MUC21: variants seen among roughly 807,000 people sequenced by gnomAD.
MUC21 encodes mucin-21.
MUC21 carries 8 observed loss-of-function variants against 9.1 expected under a neutral mutation model. The ratio of observed to expected loss-of-function variants is 0.88; its 90% CI spans 0.52 to 1.59. The LOEUF (loss-of-function observed/expected upper bound fraction) is 1.59. Among genes scored for constraint, MUC21 ranks in the 40% most tolerant of loss-of-function variants. MUC21 has a pLI of 0.00. For missense variants in MUC21, 478 were observed against 694.2 expected, an observed-to-expected ratio of 0.69 and a Z score of 3.50; for synonymous variants, 189 against 275.2, an observed-to-expected ratio of 0.69 and a Z score of 3.10.
Position 30,988,147 on chromosome 6 carries a change from G to A in MUC21, c.1654G>A (p.Val552Ile). The change falls in exon 3 of 3, where the codon GTA (valine) becomes ATA (isoleucine). Residue 552 changes from valine to isoleucine, a missense_variant. Val to Ile is a conservative substitution (Grantham distance 29). Coordinates refer to ENST00000376296, the MANE Select transcript of MUC21 (RefSeq NM_001010909.5). The stretch of plus-strand genomic sequence containing the variant: ...TCCTAACTGGTTCTGGAGGAGACCA[G>A]TATCCTCGATAGCCATGGAGATGAG... The part of the protein sequence containing the change: ...WSPNWFWRRP[V>I]SSIAMEMSGR... 2 of 1,612,952 alleles carry A rather than the reference G, an allele frequency of 1.2e-6. No individual in the cohort carries two copies. Among genetic ancestry groups the A allele is most frequent in the Non-Finnish European group, 1.7e-6 (2 of 1,180,032 alleles).
chr6:30,987,530 T>C lies in MUC21; in HGVS notation c.1355T>C (p.Leu452Pro). 1 of 1,614,238 alleles carries C rather than the reference T, an allele frequency of 6.2e-7. No individual in the cohort carries two copies. Among genetic ancestry groups the C allele is most frequent in the Non-Finnish European group, 8.5e-7 (1 of 1,180,018 alleles). Residue 452 changes from leucine (L) to proline (P), a missense_variant, in exon 2 of 3, where the codon CTG (leucine) becomes CCG (proline). Physicochemically the swap from Leu to Pro is moderately conservative, Grantham distance 98. This residue lies in a region of MUC21 where 158 missense variants were observed against 192.6 expected (regional missense o/e 0.82). Transcript: ENST00000376296. ...TCTGCAGGCTCTGGAACAGCAGCTC[T>C]GACTGGAATGCACACAACTTCCCAT... ...VTSAGSGTAA[L>P]TGMHTTSHSA... is the part of the protein sequence containing the mutation.
In MUC21 at chr6:30,986,819, C is replaced by G. The variant is rs1283953851; in HGVS notation, c.644C>G (p.Ser215Cys). The G allele has an allele frequency of 6.3e-7, 1 of 1,590,382 alleles. No individual in the cohort carries two copies. Among genetic ancestry groups the G allele is most frequent in the Non-Finnish European group, 8.6e-7 (1 of 1,167,510 alleles). ...GCCAGCACAGCCACCAACTCTGAGT[C>G]CAGAACGACCTCCAATGGGGCTGGC... is the stretch of plus-strand genomic sequence containing the variant. ...SGASTATNSE[S>C]RTTSNGAGTA... The change falls in exon 2 of 3, where the codon TCC (serine) becomes TGC (cysteine). Residue 215 changes from serine (S) to cysteine (C), a missense_variant. Physicochemically the swap from Ser to Cys is moderately radical, Grantham distance 112. Around this residue, in one of 5 missense-constraint regions of MUC21, gnomAD observed 155 missense variants for 235.2 expected, o/e 0.66. Transcript: ENST00000376296.
At chr6:30,987,855 A>G (rs979657898) in intron 2 of MUC21, 145 bp from the exon 3 acceptor site, 17 of 1,185,800 alleles carry the variant, frequency 1.4e-5, no homozygotes, top group Non-Finnish European at 2.0e-5. Context: ...GACCTGCGGG[A>G]AAAGGGGGCC....
In MUC21 at chr6:30,983,818, G is replaced by A; in HGVS notation, c.-141G>A. The A allele has an allele frequency of 5.2e-6, 3 of 578,888 alleles. No individual in the cohort carries two copies. The highest frequency in any genetic ancestry group is 9.3e-6 in the Non-Finnish European group (3 of 323,820). The allele number at this position is 578,888 out of a possible 1,614,324, so 35.9% of individuals were successfully genotyped here. A position where few individuals can be genotyped will look rare whatever the true frequency, so the allele number is the denominator to read the frequency against. On this transcript the variant is annotated 5_prime_UTR_variant, in exon 1 of 3. Transcript: ENST00000376296. ...GATTCTTCCCAGGAACACAAACGTA[G>A]GAGACCCACGCTCCTGGAAGCACCA...
intron 1 of MUC21, among the ~76,000 whole-genome samples, chr6:30,985,354 C>A (rs952911376): frequency 1.6e-4 from 25 of 152,162 alleles, no homozygotes; most frequent in Non-Finnish European, 3.4e-4. Flanking sequence ...AGTCACCTGG[C>A]TTCTTGTTGT....
Position 30,986,373 on chromosome 6 carries a change from C to G in MUC21, c.198C>G (p.Ser66Arg). ...GCACAGCCACCATCTCAGGGTCCAG[C>G]GTGACCTCCAATGGGGTCAGCATAG... The part of the protein sequence containing the change: ...GVSTATISGS[S>R]VTSNGVSIVT... Residue 66 changes from serine (S) to arginine (R), a missense_variant, in exon 2 of 3, where the codon AGC (serine) becomes AGG (arginine). Around this residue, in one of 5 missense-constraint regions of MUC21, gnomAD observed 110 missense variants for 108.3 expected, o/e 1.02. Transcript: ENST00000376296. 6.2e-7 allele frequency: 1 copy of G among 1,611,434 alleles called. No homozygotes were observed. Among genetic ancestry groups the G allele is most frequent in the Middle Eastern group, 1.7e-4 (1 of 6,056 alleles).
rs550520557 is a variant in MUC21, at chr6:30,983,814, C to T, written c.-145C>T. ...CCAAGATTCTTCCCAGGAACACAAA[C>T]GTAGGAGACCCACGCTCCTGGAAGC... On this transcript the variant is annotated 5_prime_UTR_variant, in exon 1 of 3. The change creates a new upstream start codon in the 5' untranslated region. Coordinates refer to ENST00000376296, the MANE Select transcript of MUC21 (RefSeq NM_001010909.5). 89 of 571,450 alleles carry T rather than the reference C, an allele frequency of 1.6e-4. No homozygotes were observed. Among genetic ancestry groups the T allele is most frequent in the African/African-American group, 1.4e-3 (74 of 52,350 alleles). 35.4% of individuals were successfully genotyped at this position (571,450 alleles called of 1,614,324 possible).
chr6:30,984,965 A>C (rs986426780), intron 1 of MUC21, among the ~76,000 whole-genome samples: 1 of 151,476 alleles, frequency 6.6e-6, no homozygotes, highest in Non-Finnish European at 1.5e-5. Flanking sequence ...GCAGAGCAAG[A>C]CTCCGTCTCA....
In MUC21 at chr6:30,986,473, A is replaced by T. The variant is rs761409260; in HGVS notation, c.298A>T (p.Ser100Cys). 3 of 1,600,656 alleles carry T rather than the reference A, an allele frequency of 1.9e-6. No individual in the cohort carries two copies. Among genetic ancestry groups the T allele is most frequent in the Non-Finnish European group, 2.6e-6 (3 of 1,169,754 alleles). The change falls in exon 2 of 3, where the codon AGT becomes TGT. Residue 100 changes from serine (S) to cysteine (C), a missense_variant. By Grantham distance (112) the Ser-to-Cys change is moderately radical (BLOSUM62 -1). Coordinates refer to ENST00000376296, the MANE Select transcript of MUC21 (RefSeq NM_001010909.5). ...CAACTCTGAGTTCAGCACAGTGTCC[A>T]GTGGGATCAGCATAGCCACCAACTC... ...ATNSEFSTVS[S>C]GISIATNSES...
chr6:30,984,600 G>A (rs1762170688), intron 1 of MUC21, among the ~76,000 whole-genome samples: 1 of 152,068 alleles, frequency 6.6e-6, no homozygotes, highest in South Asian at 2.1e-4. Context: ...AACCCGGGAG[G>A]CGGAGGTTGC....
At chr6:30,984,273 G>C (rs1388994277) in intron 1 of MUC21, 1 of 409,636 alleles carries the variant, frequency 2.4e-6, no homozygotes, top group Non-Finnish European at 4.3e-6. Context: ...TAGGTCAGTT[G>C]CTTCTCTGCG....
At position 30,988,427 on chromosome 6, in the gene MUC21, A is replaced by G. The variant is rs1762482353; in HGVS notation, c.*233A>G. 3 of 490,140 alleles carry G rather than the reference A, an allele frequency of 6.1e-6. No individual in the cohort carries two copies. Among genetic ancestry groups the G allele is most frequent in the Non-Finnish European group, 1.1e-5 (3 of 282,384 alleles). The allele number at this position is 490,140 out of a possible 1,614,324, so 30.4% of individuals were successfully genotyped here. ...ATCTCATCTAACACACACGACAAAG[A>G]GAAGCTGTGCGTGCCCCGGGGTGGG... On this transcript the variant is annotated 3_prime_UTR_variant, in exon 3 of 3. Transcript: ENST00000376296.
rs761798063 is a variant in MUC21, at chr6:30,987,644, C to T, written c.1469C>T (p.Ala490Val). ...IFLITLVSVV[A>V]AVGLFAGLFF... The stretch of plus-strand genomic sequence containing the variant: ...CTCATCACCCTGGTCTCGGTTGTGG[C>T]GGCCGTGGGGCTCTTTGCTGGGCTC... Residue 490 changes from alanine to valine, a missense_variant, in exon 2 of 3, where the codon GCG (alanine) becomes GTG (valine). By Grantham distance (64) the Ala-to-Val change is moderately conservative. Transcript: ENST00000376296. 18 of 1,613,996 alleles carry T rather than the reference C, an allele frequency of 1.1e-5. No individual in the cohort carries two copies. The highest frequency in any genetic ancestry group is 5.5e-5 in the South Asian group (5 of 91,076).
chr6:30,988,221 C>T lies in MUC21; in HGVS notation c.*27C>T, dbSNP rs774554225. ...CAGCCCCGGAAGCAAGTGCCGCATTCTTCAGGAAGGAAGAGACCTGGGCAC... is the reference window on the plus strand; with the variant it reads ...CAGCCCCGGAAGCAAGTGCCGCATTTTTCAGGAAGGAAGAGACCTGGGCAC... On this transcript the variant is annotated 3_prime_UTR_variant, in exon 3 of 3. Transcript: ENST00000376296. 22 of 1,592,430 alleles carry T rather than the reference C, an allele frequency of 1.4e-5. 1 individual carries two copies. In the African/African-American group the frequency reaches 2.2e-4, roughly 16 times the overall value.
At chr6:30,987,902 G>A in intron 2 of MUC21, 98 bp from the exon 3 acceptor site, 2 of 1,067,344 alleles carry the variant, frequency 1.9e-6, no homozygotes, top group Non-Finnish European at 2.9e-6. Flanking sequence ...TAGGTAAAGA[G>A]TGTGGTTGGA....
At chr6:30,984,906 C>T (rs1441105845) in intron 1 of MUC21, among the ~76,000 whole-genome samples, 2 of 151,732 alleles carry the variant, frequency 1.3e-5, no homozygotes, top group Non-Finnish European at 2.9e-5. Context: ...ACGTGGGAGG[C>T]GGATGTTGCA....
Position 30,987,959 on chromosome 6 carries a change from C to G in MUC21, c.1507-41C>G, listed in dbSNP as rs759149425. Reference sequence around the variant, plus strand: ...GCGTACGTGGTAAAGGCGTGGGAGACAGGGATGCAATTCTGAAACTATTGA... The same window carrying G: ...GCGTACGTGGTAAAGGCGTGGGAGAGAGGGATGCAATTCTGAAACTATTGA... On this transcript the variant is annotated intron_variant, in intron 2 of 2. Coordinates refer to ENST00000376296, the MANE Select transcript of MUC21 (RefSeq NM_001010909.5). 3 of 994,012 alleles carry G rather than the reference C, an allele frequency of 3.0e-6. No homozygotes were observed. The East Asian group carries it at 7.1e-5, about 24-fold the overall frequency. The allele number at this position is 994,012 out of a possible 1,614,324, so 61.6% of individuals were successfully genotyped here. A position where few individuals can be genotyped will look rare whatever the true frequency, so the allele number is the denominator to read the frequency against.
chr6:30,987,959 C>T (rs759149425), intron 2 of MUC21, 41 bp from the exon 3 acceptor site: 32 of 994,012 alleles, frequency 3.2e-5, no homozygotes, highest in Non-Finnish European at 9.8e-6. Flanking sequence ...GCGTGGGAGA[C>T]AGGGATGCAA....
Position 30,988,307 on chromosome 6 carries a change from T to G in MUC21, c.*113T>G. On this transcript the variant is annotated 3_prime_UTR_variant, in exon 3 of 3. Coordinates refer to ENST00000376296, the MANE Select transcript of MUC21 (RefSeq NM_001010909.5). Reference sequence around the variant, plus strand: ...CCCCTCCCAGCTTTGTTTGAGATCCTGAAAATCTTGAAGAAGGTATTCCTC... The same window carrying G: ...CCCCTCCCAGCTTTGTTTGAGATCCGGAAAATCTTGAAGAAGGTATTCCTC... 1.0e-6 allele frequency: 1 copy of G among 958,448 alleles called. No homozygotes were observed. Among genetic ancestry groups the G allele is most frequent in the Non-Finnish European group, 1.5e-6 (1 of 661,742 alleles). 59.4% of individuals were successfully genotyped at this position (958,448 alleles called of 1,614,324 possible). A position where few individuals can be genotyped will look rare whatever the true frequency, so the allele number is the denominator to read the frequency against.
Sources: allele counts gnomAD v4.1 joint callset (sites outside exome capture counted in the v4.1 genomes callset), GRCh38; gene constraint gnomAD v4.1.1; regional missense constraint gnomAD v4.1.1; transcripts MANE v1.5; gene names NCBI Gene and HGNC (gene_info 2026-07-23, HGNC 2026-07-21).